ATRNL1: variants seen among roughly 807,000 people sequenced by gnomAD.
The protein encoded by ATRNL1 is attractin like 1.
ATRNL1 carries 95 observed loss-of-function variants against 182.7 expected under a neutral mutation model. The observed-to-expected ratio is 0.52, with a 90% confidence interval of 0.44 to 0.62. The LOEUF (loss-of-function observed/expected upper bound fraction) is 0.62. Ranked by LOEUF, ATRNL1 falls within the 20% of genes least tolerant of loss-of-function variation. The probability of loss-of-function intolerance (pLI) is 0.00; values close to 1 mark genes in which losing one functional copy is unlikely to be tolerated. For missense variants in ATRNL1, 1,471 were observed against 1,679.5 expected, an observed-to-expected ratio of 0.88 and a Z score of 2.17; for synonymous variants, 576 against 568.3, an observed-to-expected ratio of 1.01 and a Z score of -0.19.
At chr10:115,355,794 GTTTTTA>G (rs1856478195) in intron 19 of ATRNL1, among the ~76,000 whole-genome samples, 1 of 151,702 alleles carries the variant, frequency 6.6e-6, no homozygotes, top group South Asian at 2.1e-4. Flanking sequence ...GGTAATGTCT[GTTTTTA>G]TATCTGTTAT....
chr10:115,508,184 T>G (rs1455155959), intron 24 of ATRNL1, among the ~76,000 whole-genome samples: 2 of 152,028 alleles, frequency 1.3e-5, no homozygotes, highest in Non-Finnish European at 2.9e-5. Flanking sequence ...CGATGTTACT[T>G]TTGTAATTGT....
intron 27 of ATRNL1, among the ~76,000 whole-genome samples, chr10:115,798,115 C>G (rs533707045): frequency 6.6e-6 from 1 of 152,188 alleles, no homozygotes; most frequent in Admixed American, 6.5e-5. Flanking sequence ...GACGGGGTTT[C>G]ACCGTGTTAG....
At chr10:115,581,051 C>T (rs1225409053) in intron 26 of ATRNL1, among the ~76,000 whole-genome samples, 6 of 151,996 alleles carry the variant, frequency 3.9e-5, no homozygotes, top group Admixed American at 3.9e-4. Flanking sequence ...GGAGATTTAT[C>T]TTGGTTTTTT....
At chr10:115,560,183 A>G (rs920813319) in intron 26 of ATRNL1, among the ~76,000 whole-genome samples, 3 of 152,212 alleles carry the variant, frequency 2.0e-5, no homozygotes, top group Admixed American at 2.0e-4. Flanking sequence ...CAAAAGCAGT[A>G]GAAAACATAT....
rs1174995653 is a variant in ATRNL1 at position 115,266,893 on chromosome 10, T to G, written c.1869T>G (p.Leu623=). The G allele has an allele frequency of 6.2e-7, 1 of 1,612,318 alleles. No homozygotes were observed. Among genetic ancestry groups the G allele is most frequent in the East Asian group, 2.2e-5 (1 of 44,720 alleles). The change falls in exon 12 of 29, where the codon CTT becomes CTG. Residue 623 remains leucine (L), a synonymous_variant. Coordinates refer to ENST00000355044, the MANE Select transcript of ATRNL1 (RefSeq NM_207303.4). ...PNCKAFRDEE[L]CKNAGPGIKC... is the part of the protein sequence containing the mutation. ...GCAAGGCTTTCAGAGATGAAGAACT[T>G]TGTAAAAATGCTGGTCCAGGGATAA...
At chr10:115,782,767 G>T (rs905004166) in intron 27 of ATRNL1, among the ~76,000 whole-genome samples, 2 of 152,108 alleles carry the variant, frequency 1.3e-5, no homozygotes, top group African/African-American at 4.8e-5. Flanking sequence ...GTCTTGAATG[G>T]TGACTTTTAA....
At chr10:115,562,163 A>G (rs1259900250) in intron 26 of ATRNL1, among the ~76,000 whole-genome samples, 3 of 152,228 alleles carry the variant, frequency 2.0e-5, no homozygotes, top group Non-Finnish European at 4.4e-5. Flanking sequence ...AAGGTGATAT[A>G]TGTGTAAATG....
intron 27 of ATRNL1, among the ~76,000 whole-genome samples, chr10:115,732,541 A>C (rs782713724): frequency 6.6e-6 from 1 of 152,184 alleles, no homozygotes; most frequent in African/African-American, 2.4e-5. Flanking sequence ...TACATACACT[A>C]TCTCAATCTC....
At chr10:115,845,321 A>G (rs1174012101) in intron 27 of ATRNL1, among the ~76,000 whole-genome samples, 1 of 152,048 alleles carries the variant, frequency 6.6e-6, no homozygotes, top group Non-Finnish European at 1.5e-5. Context: ...TAAGAATGAA[A>G]GAGTAATTTT....
chr10:115,302,346 A>G (rs1853514496), intron 17 of ATRNL1, among the ~76,000 whole-genome samples: 1 of 152,170 alleles, frequency 6.6e-6, no homozygotes, highest in South Asian at 2.1e-4. Flanking sequence ...CTCAAACATC[A>G]CAGATTGCTT....
intron 18 of ATRNL1, among the ~76,000 whole-genome samples, chr10:115,330,641 G>A (rs1182756915): frequency 6.7e-6 from 1 of 148,842 alleles, no homozygotes; most frequent in Non-Finnish European, 1.5e-5. Flanking sequence ...TCTCCTGTCA[G>A]GCATATTGGA....
intron 27 of ATRNL1, among the ~76,000 whole-genome samples, chr10:115,824,933 A>G (rs1555091536): frequency 6.6e-6 from 1 of 152,218 alleles, no homozygotes; most frequent in African/African-American, 2.4e-5. Context: ...ATAAAGATAC[A>G]TGCTCACATA....
chr10:115,918,094 G>T, intron 28 of ATRNL1, among the ~76,000 whole-genome samples: 1 of 112,212 alleles, frequency 8.9e-6, no homozygotes, highest in African/African-American at 2.9e-5. Context: ...CTATTTTTTA[G>T]TGTCTTTTTT....
intron 26 of ATRNL1, among the ~76,000 whole-genome samples, chr10:115,697,210 GAA>G (rs1453797422): frequency 1.3e-5 from 2 of 152,030 alleles, no homozygotes; most frequent in African/African-American, 2.4e-5. Flanking sequence ...TATGTCTTTT[GAA>G]AAGTGTTCAT....
At chr10:115,551,552 G>A (rs1852989374) in intron 26 of ATRNL1, among the ~76,000 whole-genome samples, 1 of 151,310 alleles carries the variant, frequency 6.6e-6, no homozygotes, top group South Asian at 2.1e-4. Context: ...CTATTAAAGT[G>A]TATAATAGTG....
At chr10:115,122,498 CATT>C (rs1205801845) in intron 3 of ATRNL1, among the ~76,000 whole-genome samples, 1 of 151,782 alleles carries the variant, frequency 6.6e-6, no homozygotes, top group African/African-American at 2.4e-5. Flanking sequence ...ATAAGTTACT[CATT>C]ATATTATTTA....
At chr10:115,833,600 G>A (rs996980642) in intron 27 of ATRNL1, among the ~76,000 whole-genome samples, 1 of 152,138 alleles carries the variant, frequency 6.6e-6, no homozygotes, top group African/African-American at 2.4e-5. Context: ...CCCTACGCCA[G>A]GCAGTACTCT....
chr10:115,852,244 A>G lies in ATRNL1; in HGVS notation c.4018+4253A>G, dbSNP rs193186908. ...TGATTGACTATACCATTACCAAAAGAATACTGCCAGAAAGTCTAAGGTTTT... is the reference window on the plus strand; with the variant it reads ...TGATTGACTATACCATTACCAAAAGGATACTGCCAGAAAGTCTAAGGTTTT... On this transcript the variant is annotated intron_variant, in intron 28 of 28. Coordinates refer to ENST00000355044, the MANE Select transcript of ATRNL1 (RefSeq NM_207303.4). Among the ~76,000 whole-genome samples, 133 of 152,314 alleles carry G rather than the reference A, an allele frequency of 8.7e-4. 3 individuals carry two copies. The highest frequency in any genetic ancestry group is 3.2e-3 in the African/African-American group (132 of 41,572).
At chr10:115,185,604 G>T (rs913220399) in intron 8 of ATRNL1, among the ~76,000 whole-genome samples, 1 of 152,006 alleles carries the variant, frequency 6.6e-6, no homozygotes, top group African/African-American at 2.4e-5. Flanking sequence ...GACTGTCATA[G>T]CTGGAGTTGA....
Sources: gnomAD v4.1 joint callset for allele counts (sites outside exome capture counted in the v4.1 genomes callset) on GRCh38, gnomAD v4.1.1 for gene constraint, MANE v1.5 for transcripts, NCBI Gene and HGNC (gene_info 2026-07-23, HGNC 2026-07-21) for gene names.